The following ADCY10 variants were observed in gnomAD, a reference collection of about 807,000 sequenced individuals.
ADCY10 encodes the protein adenylate cyclase 10.
In ADCY10, 156 loss-of-function variants were observed where a neutral mutation model predicts 183.3. That is an observed-to-expected ratio of 0.85 (90% CI 0.75 to 0.97). The LOEUF (loss-of-function observed/expected upper bound fraction) is 0.97, where lower values mean the gene tolerates loss of function less well. Among genes scored for constraint, ADCY10 ranks in the 50% least tolerant of loss-of-function variants. ADCY10 has a pLI of 0.00. For missense variants in ADCY10, 1,745 were observed against 1,934.3 expected (o/e 0.90, Z 1.84); for synonymous variants, 645 against 670.0 (o/e 0.96, Z 0.58).
intron 32 of ADCY10, 139 bp downstream of exon 32, chr1:167,810,586 G>C (rs1189849870): frequency 1.2e-6 from 1 of 805,174 alleles, no homozygotes. Flanking sequence ...TGAGCAGTAG[G>C]TTTCTATTGT....
At chr1:167,848,237 T>G (rs202004720) in intron 19 of ADCY10, 124 bp downstream of exon 19, 5 of 715,440 alleles carry the variant, frequency 7.0e-6, no homozygotes, top group Admixed American at 2.2e-5. Flanking sequence ...TTTTAGTAGA[T>G]ACGGGGTTTC....
At chr1:167,818,460 T>C (rs537423897) in intron 30 of ADCY10, 193 bp from the exon 31 acceptor site, 1 of 703,096 alleles carries the variant, frequency 1.4e-6, no homozygotes, top group Non-Finnish European at 2.6e-6. Flanking sequence ...AATAATAAAT[T>C]TTTTTGATGA....
chr1:167,911,317 C>T (rs1419609764), intron 1 of ADCY10, among the ~76,000 whole-genome samples: 1 of 152,228 alleles, frequency 6.6e-6, no homozygotes, highest in East Asian at 1.9e-4. Context: ...CCTGTGCTAA[C>T]ATTCTTAAAT....
chr1:167,823,254 A>C, intron 28 of ADCY10, 131 bp from the exon 29 acceptor site: 1 of 678,822 alleles, frequency 1.5e-6, no homozygotes, highest in Non-Finnish European at 2.6e-6. Context: ...GTGAAACCCC[A>C]TCTCCACTAA....
At chr1:167,894,792 G>A (rs73022199) in intron 7 of ADCY10, among the ~76,000 whole-genome samples, 15,014 of 152,164 alleles carry the variant, frequency 0.099, 823 homozygotes, top group African/African-American at 0.14. Context: ...CAGAAGTGCC[G>A]GTGGTCTGGG....
At chr1:167,829,449 G>A in intron 25 of ADCY10, 26 bp from the exon 26 acceptor site, 1 of 1,613,680 alleles carries the variant, frequency 6.2e-7, no homozygotes, top group Non-Finnish European at 8.5e-7. Flanking sequence ...AACACAAATG[G>A]AACATGAAAG....
At chr1:167,862,285 G>A (rs936938949) in intron 14 of ADCY10, among the ~76,000 whole-genome samples, 1 of 152,170 alleles carries the variant, frequency 6.6e-6, no homozygotes, top group Non-Finnish European at 1.5e-5. Context: ...AATTAGTTAA[G>A]ATGAGATCAT....
At position 167,846,178 on chromosome 1, in the gene ADCY10, G is replaced by C; in HGVS notation, c.2523C>G (p.Thr841=). Reference sequence around the variant, plus strand: ...GGAGAATCTCAAACAACAACTCAGTGGTGAAGGTCAGGCCAATGATGGCAG... The same window carrying C: ...GGAGAATCTCAAACAACAACTCAGTCGTGAAGGTCAGGCCAATGATGGCAG... The part of the protein sequence containing the change: ...RCAAIIGLTF[T]TELLFEILPC... The change falls in exon 20 of 33, where the codon ACC becomes ACG. Residue 841 remains threonine (T), a synonymous_variant. Transcript: ENST00000367851. 1.2e-6 allele frequency: 2 copies of C among 1,614,200 alleles called. No individual in the cohort carries two copies. Among genetic ancestry groups the C allele is most frequent in the Non-Finnish European group, 1.7e-6 (2 of 1,180,034 alleles).
intron 7 of ADCY10, among the ~76,000 whole-genome samples, chr1:167,895,682 C>T (rs752960055): frequency 4.6e-5 from 7 of 152,266 alleles, no homozygotes; most frequent in African/African-American, 1.2e-4. Context: ...AAGACTGAAG[C>T]GAATTCTGGC....
At chr1:167,810,667 T>C (rs2101820239) in intron 32 of ADCY10, 58 bp downstream of exon 32, 2 of 1,562,010 alleles carry the variant, frequency 1.3e-6, no homozygotes, top group Non-Finnish European at 1.8e-6. Context: ...AGTAGGCTTC[T>C]GGGCTTCTTT....
intron 26 of ADCY10, among the ~76,000 whole-genome samples, chr1:167,827,546 A>C (rs1002468307): frequency 6.6e-6 from 1 of 151,830 alleles, no homozygotes; most frequent in Non-Finnish European, 1.5e-5. Flanking sequence ...TTTCTTGATC[A>C]TGTCTCCTGA....
chr1:167,859,122 A>C (rs960797464), intron 16 of ADCY10, among the ~76,000 whole-genome samples: 1 of 152,208 alleles, frequency 6.6e-6, no homozygotes, highest in Non-Finnish European at 1.5e-5. Flanking sequence ...TAAAAAAATG[A>C]ATTTGGCATT....
intron 8 of ADCY10, among the ~76,000 whole-genome samples, chr1:167,891,780 G>A (rs779741845): frequency 1.3e-5 from 2 of 151,862 alleles, no homozygotes; most frequent in South Asian, 2.1e-4. Context: ...CTTTCTCCCC[G>A]AAATAGCACA....
chr1:167,813,507 A>G (rs537880830), intron 31 of ADCY10, among the ~76,000 whole-genome samples: 4 of 151,976 alleles, frequency 2.6e-5, no homozygotes, highest in Non-Finnish European at 5.9e-5. Context: ...CCCACGCCTT[A>G]AAAAAAAGAA....
chr1:167,845,778 G>A lies in ADCY10; in HGVS notation c.2792C>T (p.Pro931Leu). The change falls in exon 21 of 33, where the codon CCT (proline) becomes CTT (leucine). Residue 931 changes from proline to leucine, a missense_variant. By Grantham distance (98) the Pro-to-Leu change is moderately conservative. Coordinates refer to ENST00000367851, the MANE Select transcript of ADCY10 (RefSeq NM_018417.6). ...IECHRIRFCN[P>L]MMQKTAYELW... is the part of the protein sequence containing the mutation. ...CTCGTAGGCTGTTTTCTGCATCATA[G>A]GGTTACAGAATCGAATCCTGTGGCA... 1 of 1,614,188 alleles carries A rather than the reference G, an allele frequency of 6.2e-7. No homozygotes were observed. Among genetic ancestry groups the A allele is most frequent in the Non-Finnish European group, 8.5e-7 (1 of 1,180,042 alleles).
At chr1:167,875,969 A>T (rs1220704586) in intron 12 of ADCY10, among the ~76,000 whole-genome samples, 5 of 150,112 alleles carry the variant, frequency 3.3e-5, no homozygotes. Flanking sequence ...AAAAAAAAGG[A>T]CTACTGGCCA....
chr1:167,877,446 T>C (rs2102219359), intron 12 of ADCY10, among the ~76,000 whole-genome samples: 1 of 152,000 alleles, frequency 6.6e-6, no homozygotes, highest in South Asian at 2.1e-4. Flanking sequence ...CCTGGTTCTG[T>C]TATCTGACTC....
chr1:167,866,023 C>T lies in ADCY10; in HGVS notation c.1616+4234G>A, dbSNP rs1666653027. Among the ~76,000 whole-genome samples the T allele has an allele frequency of 2.6e-5, 4 of 152,204 alleles. No individual in the cohort carries two copies. In the South Asian group the frequency reaches 8.3e-4, roughly 32 times the overall value. On this transcript the variant is annotated intron_variant, in intron 14 of 32. Transcript: ENST00000367851. ...CATGTCTCTCACCACAGAGAGGAAA[C>T]TTAGGATTCCTTGGAGACCTGAAGT...
intron 18 of ADCY10, among the ~76,000 whole-genome samples, chr1:167,851,802 G>A (rs1314730205): frequency 2.8e-5 from 4 of 143,984 alleles, no homozygotes; most frequent in African/African-American, 1.1e-4. Context: ...CAGCCTGGGC[G>A]ACAGAGTGTC....
Sources: allele counts gnomAD v4.1 joint callset (sites outside exome capture counted in the v4.1 genomes callset), GRCh38; gene constraint gnomAD v4.1.1; transcripts MANE v1.5; gene names NCBI Gene and HGNC (gene_info 2026-07-23, HGNC 2026-07-21).